Variants in USP7 observed in about 807,000 individuals in gnomAD.
USP7 encodes the protein ubiquitin C-terminal hydrolase 7.
USP7 carries 9 observed loss-of-function variants against 162.9 expected under a neutral mutation model. The observed-to-expected ratio is 0.06, with a 90% CI of 0.03 to 0.10. The LOEUF (loss-of-function observed/expected upper bound fraction) is 0.10. Among genes scored for constraint, USP7 ranks in the 10% least tolerant of loss-of-function variants. USP7 has a pLI of 1.00. For synonymous variants in USP7, 562 were observed against 475.9 expected (o/e 1.18, Z -2.35); for missense variants, 715 against 1,373.7 (o/e 0.52, Z 7.58).
intron 14 of USP7, 59 bp from the exon 15 acceptor site, chr16:8,904,624 T>A: frequency 6.3e-7 from 1 of 1,590,158 alleles, no homozygotes; most frequent in Admixed American, 1.8e-5. Context: ...TCTTAGAAGC[T>A]CCCGATTCTA....
At chr16:8,902,981 A>T (rs4985011) in intron 16 of USP7, among the ~76,000 whole-genome samples, 103,791 of 152,156 alleles carry the variant, frequency 0.68, 35,465 homozygotes, top group East Asian at 0.74. Context: ...ATGCCCATTT[A>T]CAAAAATAAA....
intron 1 of USP7, 114 bp downstream of exon 1, chr16:8,963,093 C>A (rs1900087040): frequency 1.0e-6 from 1 of 984,788 alleles, no homozygotes; most frequent in Non-Finnish European, 1.3e-6. Flanking sequence ...CGAGGCCCGG[C>A]GGCCGCCCGG....
intron 10 of USP7, among the ~76,000 whole-genome samples, chr16:8,912,926 G>A (rs1445810003): frequency 2.0e-5 from 3 of 152,192 alleles, no homozygotes; most frequent in African/African-American, 4.8e-5. Flanking sequence ...CAGGCAATTA[G>A]TGAAGATCAA....
chr16:8,939,957 G>A (rs929321883), intron 1 of USP7, among the ~76,000 whole-genome samples: 2 of 152,176 alleles, frequency 1.3e-5, no homozygotes, highest in African/African-American at 4.8e-5. Context: ...AATTAGCCAA[G>A]CATGGTGGCA....
intron 1 of USP7, among the ~76,000 whole-genome samples, chr16:8,937,554 G>A (rs548238312): frequency 6.6e-6 from 1 of 152,160 alleles, no homozygotes; most frequent in African/African-American, 2.4e-5. Context: ...AAAATAATAA[G>A]TTGGGTGTGG....
At chr16:8,951,964 G>T (rs1488031151) in intron 1 of USP7, among the ~76,000 whole-genome samples, 1 of 152,228 alleles carries the variant, frequency 6.6e-6, no homozygotes, top group Non-Finnish European at 1.5e-5. Flanking sequence ...CAAAGCATGT[G>T]GGGAACCACA....
At chr16:8,903,076 G>A (rs1359766191) in intron 16 of USP7, among the ~76,000 whole-genome samples, 192 bp downstream of exon 16, 1 of 152,192 alleles carries the variant, frequency 6.6e-6, no homozygotes, top group Non-Finnish European at 1.5e-5. Flanking sequence ...GTTCCCCTGT[G>A]CAGGAGTCAG....
chr16:8,919,437 C>A (rs1897557028), intron 5 of USP7, among the ~76,000 whole-genome samples: 1 of 152,072 alleles, frequency 6.6e-6, no homozygotes, highest in Non-Finnish European at 1.5e-5. Context: ...TGCTCACACC[C>A]AACATGCCTC....
intron 1 of USP7, among the ~76,000 whole-genome samples, chr16:8,956,718 G>C (rs1049665634): frequency 6.6e-6 from 1 of 151,496 alleles, no homozygotes; most frequent in Non-Finnish European, 1.5e-5. Context: ...AGCCGAGATC[G>C]TCCCACTGCA....
In USP7 at chr16:8,902,426, T is replaced by G. The variant is rs778910587; in HGVS notation, c.1896A>C (p.Thr632=). The G allele has an allele frequency of 6.2e-7, 1 of 1,614,162 alleles. No individual in the cohort carries two copies. The highest frequency in any genetic ancestry group is 8.5e-7 in the Non-Finnish European group (1 of 1,180,026). Residue 632 remains threonine, a synonymous_variant, in exon 17 of 31, where the codon ACA becomes ACC. Transcript: ENST00000344836. The stretch of plus-strand genomic sequence containing the variant: ...CATTATCTAACATTGCTGGTCGTTT[T>G]GTTCCATTACTCCTTGCTTGCATGG... The part of the protein sequence containing the change: ...LWPMQARSNG[T]KRPAMLDNEA...
chr16:8,950,636 C>T (rs1467777010), intron 1 of USP7, among the ~76,000 whole-genome samples: 5 of 152,156 alleles, frequency 3.3e-5, no homozygotes, highest in African/African-American at 4.8e-5. Context: ...CCAACCCAGC[C>T]CTGTCTGCCA....
chr16:8,895,592 G>A (rs747070958), intron 27 of USP7, 50 bp downstream of exon 27: 2 of 1,433,014 alleles, frequency 1.4e-6, no homozygotes, highest in South Asian at 1.2e-5. Context: ...ATATGCAGCA[G>A]ATGGGGCTCA....
intron 1 of USP7, among the ~76,000 whole-genome samples, chr16:8,961,551 C>T (rs761303914): frequency 2.8e-5 from 4 of 141,902 alleles, no homozygotes; most frequent in Non-Finnish European, 4.5e-5. Context: ...TGGTCATTTT[C>T]CCAAAGATAC....
intron 1 of USP7, chr16:8,962,689 T>C (rs1164369049): frequency 1.0e-5 from 2 of 192,724 alleles, no homozygotes; most frequent in East Asian, 1.3e-4. Flanking sequence ...GCAGGTATTT[T>C]CGAACGTAAG....
chr16:8,908,504 G>C, intron 11 of USP7, 54 bp from the exon 12 acceptor site: 1 of 1,467,912 alleles, frequency 6.8e-7, no homozygotes, highest in Non-Finnish European at 9.3e-7. Context: ...ACTCCTGGAA[G>C]CAATGAAAGC....
chr16:8,951,053 C>T (rs1346234592), intron 1 of USP7, among the ~76,000 whole-genome samples: 4 of 152,184 alleles, frequency 2.6e-5, no homozygotes, highest in Non-Finnish European at 5.9e-5. Context: ...AGCAGCGACA[C>T]GCAGAAAACT....
At position 8,956,769 on chromosome 16, in the gene USP7, A is replaced by C. The variant is rs569479668; in HGVS notation, c.79+6438T>G. Among the ~76,000 whole-genome samples, 740 of 133,488 alleles carry C rather than the reference A, an allele frequency of 5.5e-3. 11 individuals carry two copies. Among genetic ancestry groups the C allele is most frequent in the African/African-American group, 0.018 (706 of 39,398 alleles). 87.6% of individuals were successfully genotyped at this position (133,488 alleles called of 152,430 possible). ...CGAATTAAGACTTCGTATTAAAAAA[A>C]CAAAAACAAAAAAAAAAAAACACTG... On this transcript the variant is annotated intron_variant, in intron 1 of 30. Coordinates refer to ENST00000344836, the MANE Select transcript of USP7 (RefSeq NM_003470.3).
chr16:8,942,459 G>A (rs1899091726), intron 1 of USP7, among the ~76,000 whole-genome samples: 1 of 152,196 alleles, frequency 6.6e-6, no homozygotes. Flanking sequence ...CCTCACCCCA[G>A]CCTGTCAAAG....
chr16:8,955,621 G>A (rs774767793), intron 1 of USP7, among the ~76,000 whole-genome samples: 13 of 140,978 alleles, frequency 9.2e-5, no homozygotes, highest in Non-Finnish European at 1.4e-4. Flanking sequence ...CAGGGGAATC[G>A]CTTGAACCTG....
Sources: gnomAD v4.1 joint callset for allele counts (sites outside exome capture counted in the v4.1 genomes callset) on GRCh38, gnomAD v4.1.1 for gene constraint, MANE v1.5 for transcripts, NCBI Gene and HGNC (gene_info 2026-07-23, HGNC 2026-07-21) for gene names.